Variants in STXBP5L observed in about 807,000 individuals in gnomAD.
STXBP5L encodes syntaxin binding protein 5L, also known as syntaxin-binding protein 5-like.
In STXBP5L, 65 loss-of-function variants were observed where a neutral mutation model predicts 144.5. The observed-to-expected ratio is 0.45, with a 90% CI of 0.37 to 0.55. The LOEUF (loss-of-function observed/expected upper bound fraction) is 0.55, where lower values mean the gene tolerates loss of function less well. Ranked by LOEUF, STXBP5L falls within the 20% of genes least tolerant of loss-of-function variation. The pLI is 0.00. For synonymous variants in STXBP5L, 505 were observed against 469.6 expected, an observed-to-expected ratio of 1.08 and a Z score of -0.97; for missense variants, 1,298 against 1,405.5, an observed-to-expected ratio of 0.92 and a Z score of 1.22.
At chr3:121,002,872 A>G (rs1434901384) in intron 3 of STXBP5L, among the ~76,000 whole-genome samples, 1 of 152,174 alleles carries the variant, frequency 6.6e-6, no homozygotes, top group Admixed American at 6.5e-5. Context: ...ATGTCCCTAC[A>G]AAGAACATGA....
At chr3:121,064,001 C>T (rs758213604) in intron 5 of STXBP5L, among the ~76,000 whole-genome samples, 3 of 152,108 alleles carry the variant, frequency 2.0e-5, no homozygotes, top group Non-Finnish European at 4.4e-5. Context: ...GGAGTGAATG[C>T]TTGTCTCACT....
intron 2 of STXBP5L, among the ~76,000 whole-genome samples, chr3:120,922,580 G>C (rs1433248327): frequency 6.6e-6 from 1 of 152,018 alleles, no homozygotes; most frequent in Non-Finnish European, 1.5e-5. Flanking sequence ...TCCCTGTTCA[G>C]TATGATGGTA....
intron 3 of STXBP5L, among the ~76,000 whole-genome samples, chr3:121,014,995 C>T (rs9842097): frequency 0.099 from 15,108 of 151,904 alleles, 1,184 homozygotes; most frequent in Admixed American, 0.2. Context: ...TTATAAAACA[C>T]AGCAGATAGA....
intron 5 of STXBP5L, among the ~76,000 whole-genome samples, chr3:121,102,179 A>G (rs999585772): frequency 8.0e-6 from 1 of 124,296 alleles, no homozygotes; most frequent in Non-Finnish European, 1.6e-5. Flanking sequence ...TCAAACTACC[A>G]GAGTCATTCT....
intron 20 of STXBP5L, among the ~76,000 whole-genome samples, chr3:121,319,121 G>A (rs1252595822): frequency 6.6e-6 from 1 of 151,992 alleles, no homozygotes; most frequent in Admixed American, 6.6e-5. Flanking sequence ...TTATTTTTGG[G>A]TGGTGGGAAT....
chr3:121,378,878 C>G lies in STXBP5L; in HGVS notation c.2339C>G (p.Thr780Arg). The change falls in exon 21 of 27, where the codon ACA (threonine) becomes AGA (arginine). Residue 780 changes from threonine (T) to arginine (R), a missense_variant. Transcript: ENST00000471454. ...AACMEISLPV[T>R]TEENRENSYN... ...TGCATGGAGATTTCTTTACCAGTTA[C>G]AACAGAAGGTATGTTAAACATATTA... 8 of 1,612,346 alleles carry G rather than the reference C, an allele frequency of 5.0e-6. No individual in the cohort carries two copies. Among genetic ancestry groups the G allele is most frequent in the South Asian group, 1.1e-5 (1 of 90,866 alleles).
At position 121,349,331 on chromosome 3, in the gene STXBP5L, TACAA is replaced by T. The variant is rs1348969072; in HGVS notation, c.2177-29384_2177-29381del. ...CACTGTGGTCTGAGAGACAGTTTGTTACAATTTCTGTTCTTTTACATTTGCTGAG... is the reference window on the plus strand; with the variant it reads ...CACTGTGGTCTGAGAGACAGTTTGTTTTTCTGTTCTTTTACATTTGCTGAG... On this transcript the variant is annotated intron_variant, in intron 20 of 26. Coordinates refer to ENST00000471454, the MANE Select transcript of STXBP5L (RefSeq NM_001308330.2). Among the ~76,000 whole-genome samples the T allele has an allele frequency of 1.8e-4, 27 of 152,190 alleles. No homozygotes were observed. The East Asian group carries it at 4.8e-3, about 27-fold the overall frequency.
chr3:121,210,091 A>G (rs1224396543), intron 10 of STXBP5L, among the ~76,000 whole-genome samples: 3 of 151,908 alleles, frequency 2.0e-5, no homozygotes, highest in Non-Finnish European at 4.4e-5. Context: ...CCTCTCCAGC[A>G]CCTGTTGTTT....
At chr3:120,977,022 T>A (rs1941121404) in intron 3 of STXBP5L, among the ~76,000 whole-genome samples, 3 of 152,150 alleles carry the variant, frequency 2.0e-5, no homozygotes, top group Admixed American at 2.0e-4. Flanking sequence ...GTATATTCTG[T>A]TGATTTGGGG....
At chr3:121,334,978 A>G (rs1463930062) in intron 20 of STXBP5L, among the ~76,000 whole-genome samples, 1 of 152,222 alleles carries the variant, frequency 6.6e-6, no homozygotes, top group East Asian at 1.9e-4. Context: ...AAAGAAAGAA[A>G]TGAAGAGCAT....
intron 22 of STXBP5L, among the ~76,000 whole-genome samples, chr3:121,393,671 C>A (rs1428121871): frequency 6.6e-6 from 1 of 151,984 alleles, no homozygotes; most frequent in Non-Finnish European, 1.5e-5. Context: ...TTTTGCAGAA[C>A]CATTTATTAA....
At chr3:121,035,924 C>T (rs1039502038) in intron 3 of STXBP5L, among the ~76,000 whole-genome samples, 3 of 152,078 alleles carry the variant, frequency 2.0e-5, no homozygotes, top group Non-Finnish European at 2.9e-5. Context: ...TTTCAGTGAA[C>T]AGGTCTTAAA....
chr3:121,351,475 C>A (rs182874460), intron 20 of STXBP5L, among the ~76,000 whole-genome samples: 85 of 152,122 alleles, frequency 5.6e-4, no homozygotes, highest in African/African-American at 1.9e-3. Flanking sequence ...AACGACTACT[C>A]TCCAGAAGTC....
intron 23 of STXBP5L, among the ~76,000 whole-genome samples, chr3:121,409,327 A>G (rs1431213354): frequency 6.6e-6 from 1 of 151,934 alleles, no homozygotes; most frequent in Non-Finnish European, 1.5e-5. Flanking sequence ...ATTAAATAAA[A>G]AGAGAAGAAT....
intron 3 of STXBP5L, among the ~76,000 whole-genome samples, chr3:120,961,951 T>G (rs1191244215): frequency 6.6e-6 from 1 of 152,244 alleles, no homozygotes; most frequent in East Asian, 1.9e-4. Flanking sequence ...TCCTGACTTT[T>G]TAATGATTGC....
chr3:121,283,516 A>G (rs1030997310), intron 19 of STXBP5L, among the ~76,000 whole-genome samples: 12 of 152,032 alleles, frequency 7.9e-5, no homozygotes, highest in African/African-American at 7.2e-5. Context: ...ATTTGATACT[A>G]TGATAACTGT....
At chr3:121,319,301 A>C (rs1444318218) in intron 20 of STXBP5L, among the ~76,000 whole-genome samples, 1 of 152,136 alleles carries the variant, frequency 6.6e-6, no homozygotes, top group African/African-American at 2.4e-5. Flanking sequence ...CTTTTTATTT[A>C]CATTATTTTA....
At chr3:121,367,666 T>C (rs1432853149) in intron 20 of STXBP5L, among the ~76,000 whole-genome samples, 1 of 143,674 alleles carries the variant, frequency 7.0e-6, no homozygotes, top group African/African-American at 2.5e-5. Flanking sequence ...TGTAGTGGCC[T>C]GATTGATCAT....
intron 2 of STXBP5L, among the ~76,000 whole-genome samples, chr3:120,924,303 G>T (rs1274323585): frequency 6.6e-6 from 1 of 151,948 alleles, no homozygotes; most frequent in South Asian, 2.1e-4. Flanking sequence ...AATGCTAGAG[G>T]GCAAAATATT....
Sources: gnomAD v4.1 joint callset for allele counts (sites outside exome capture counted in the v4.1 genomes callset) on GRCh38, gnomAD v4.1.1 for gene constraint, MANE v1.5 for transcripts, NCBI Gene and HGNC (gene_info 2026-07-23, HGNC 2026-07-21) for gene names.